Variants in ACKR2 observed in about 807,000 individuals in gnomAD.
ACKR2 encodes C-C chemokine receptor D6.
For synonymous variants in ACKR2, 207 were observed against 192.2 expected, an observed-to-expected ratio of 1.08 and a Z score of -0.64; for missense variants, 457 against 477.3, an observed-to-expected ratio of 0.96 and a Z score of 0.40.
chr3:42,841,029 A>T (rs932969281), intron 2 of ACKR2, among the ~76,000 whole-genome samples: 3 of 151,844 alleles, frequency 2.0e-5, no homozygotes, highest in Admixed American at 1.3e-4. Context: ...CCCCACCCCT[A>T]CCCCCAGCAG....
At position 42,864,655 on chromosome 3, in the gene ACKR2, C is replaced by T; in HGVS notation, c.153C>T (p.Val51=). 1.2e-6 allele frequency: 2 copies of T among 1,614,200 alleles called. No homozygotes were observed. The highest frequency in any genetic ancestry group is 1.7e-6 in the Non-Finnish European group (2 of 1,180,046). ...CCTTTGGCAAAGTCTTCCTCCCAGTCTTCTATAGCCTGATTTTTGTGTTGG... is the reference window on the plus strand; with the variant it reads ...CCTTTGGCAAAGTCTTCCTCCCAGTTTTCTATAGCCTGATTTTTGTGTTGG... The part of the protein sequence containing the change: ...VVSFGKVFLP[V]FYSLIFVLGL... Residue 51 remains valine (V), a synonymous_variant, in exon 3 of 3, where the codon GTC becomes GTT. Transcript: ENST00000422265.
intron 2 of ACKR2, among the ~76,000 whole-genome samples, chr3:42,830,262 T>C (rs1471145826): frequency 2.6e-5 from 4 of 152,188 alleles, no homozygotes; most frequent in Non-Finnish European, 4.4e-5. Flanking sequence ...CTCTGATTGA[T>C]AAGCACTTCT....
intron 1 of ACKR2, among the ~76,000 whole-genome samples, chr3:42,812,990 T>G (rs926574003): frequency 6.6e-6 from 1 of 152,164 alleles, no homozygotes; most frequent in African/African-American, 2.4e-5. Context: ...TGCCCGGCCT[T>G]CAGCTTTCTT....
At chr3:42,829,353 T>C (rs1349373132) in intron 2 of ACKR2, among the ~76,000 whole-genome samples, 2 of 152,196 alleles carry the variant, frequency 1.3e-5, no homozygotes, top group African/African-American at 2.4e-5. Context: ...ATAGCCCCTA[T>C]TGAGCTAGTG....
At chr3:42,841,995 G>A (rs541797183) in intron 2 of ACKR2, among the ~76,000 whole-genome samples, 1 of 152,136 alleles carries the variant, frequency 6.6e-6, no homozygotes, top group South Asian at 2.1e-4. Context: ...TGATCTCTCT[G>A]TGCCTCAGTT....
At chr3:42,849,936 C>T (rs1701135083) in intron 2 of ACKR2, among the ~76,000 whole-genome samples, 1 of 152,026 alleles carries the variant, frequency 6.6e-6, no homozygotes, top group South Asian at 2.1e-4. Context: ...AGGCTAAATG[C>T]AATTTAACTG....
chr3:42,835,673 C>T (rs144959940), intron 2 of ACKR2: 281 of 152,316 alleles, frequency 1.8e-3, no homozygotes, highest in Non-Finnish European at 3.2e-3. Flanking sequence ...CCATGGCTTC[C>T]GGCTCCCACT....
At chr3:42,832,988 C>T (rs1423095008) in intron 2 of ACKR2, among the ~76,000 whole-genome samples, 4 of 151,562 alleles carry the variant, frequency 2.6e-5, no homozygotes, top group Middle Eastern at 3.2e-3. Flanking sequence ...CTCAGCCTCC[C>T]GAGTAGCTGG....
chr3:42,818,890 C>G (rs1050163637), intron 1 of ACKR2, among the ~76,000 whole-genome samples: 3 of 152,136 alleles, frequency 2.0e-5, no homozygotes, highest in Non-Finnish European at 2.9e-5. Context: ...ACAACATTTT[C>G]AAACAAAATG....
intron 2 of ACKR2, among the ~76,000 whole-genome samples, chr3:42,849,015 C>T (rs1701125546): frequency 6.6e-6 from 1 of 152,182 alleles, no homozygotes; most frequent in South Asian, 2.1e-4. Flanking sequence ...GGAACTGCCC[C>T]AGAATGAAGA....
At chr3:42,859,268 G>A (rs757616658) in intron 2 of ACKR2, among the ~76,000 whole-genome samples, 3 of 152,168 alleles carry the variant, frequency 2.0e-5, no homozygotes, top group Non-Finnish European at 4.4e-5. Context: ...GTTAAGGGCA[G>A]CCAGAGAGAA....
At position 42,864,479 on chromosome 3, in the gene ACKR2, CG is replaced by C; in HGVS notation, c.-21del. 6.4e-7 allele frequency: 1 copy of C among 1,570,758 alleles called. No individual in the cohort carries two copies. ...TTCCCCCCGCAGCACTACAGGACGT[CG>C]GGACTGGGCATTTCCTTCCAACATG... On this transcript the variant is annotated 5_prime_UTR_variant, in exon 3 of 3. Coordinates refer to ENST00000422265, the MANE Select transcript of ACKR2 (RefSeq NM_001296.5).
intron 2 of ACKR2, among the ~76,000 whole-genome samples, chr3:42,848,752 G>C (rs76332845): frequency 0.013 from 2,030 of 152,198 alleles, 39 homozygotes; most frequent in East Asian, 0.07. Context: ...ATTTCACAGT[G>C]GAAGAACTTG....
In ACKR2 at chr3:42,852,253, G is replaced by A. The variant is rs1397770234; in HGVS notation, c.-37-12213G>A. 5 of 152,280 alleles carry A rather than the reference G, an allele frequency of 3.3e-5. No homozygotes were observed. Among genetic ancestry groups the A allele is most frequent in the African/African-American group, 1.2e-4 (5 of 41,518 alleles). The allele number at this position is 152,280 out of a possible 1,614,324, so 9.4% of individuals were successfully genotyped here. A position where few individuals can be genotyped will look rare whatever the true frequency, so the allele number is the denominator to read the frequency against. The stretch of plus-strand genomic sequence containing the variant: ...GTCCTGCCTTTCCTGGGGATAGTGG[G>A]GTTTCATTTTCATGCTGAAATACAC... On this transcript the variant is annotated intron_variant, in intron 2 of 2. Transcript: ENST00000422265. The surrounding 1 kb of genome is among the most constrained non-coding windows in gnomAD (Gnocchi z 4.3).
chr3:42,820,725 T>TAAAA (rs34544490), intron 2 of ACKR2, among the ~76,000 whole-genome samples: 3 of 100,496 alleles, frequency 3.0e-5, no homozygotes, highest in African/African-American at 7.7e-5. Flanking sequence ...AAAATAACAG[T>TAAAA]AAAAAAAAAA....
intron 2 of ACKR2, among the ~76,000 whole-genome samples, chr3:42,834,980 G>A (rs1419688986): frequency 1.3e-5 from 2 of 152,124 alleles, no homozygotes; most frequent in African/African-American, 2.4e-5. Context: ...CTGCCTCCCA[G>A]GTTGAAGTGA....
intron 1 of ACKR2, among the ~76,000 whole-genome samples, chr3:42,817,700 A>G (rs1163052692): frequency 6.6e-6 from 1 of 152,100 alleles, no homozygotes; most frequent in Non-Finnish European, 1.5e-5. Context: ...TGTACATATC[A>G]TCCCACATCT....
At chr3:42,834,371 G>A (rs1296664552) in intron 2 of ACKR2, among the ~76,000 whole-genome samples, 2 of 151,968 alleles carry the variant, frequency 1.3e-5, no homozygotes, top group Non-Finnish European at 1.5e-5. Context: ...AATGTTGTGT[G>A]TTTTCTTTTT....
At chr3:42,843,148 C>T (rs1342473718) in intron 2 of ACKR2, among the ~76,000 whole-genome samples, 2 of 151,732 alleles carry the variant, frequency 1.3e-5, no homozygotes, top group South Asian at 2.1e-4. Flanking sequence ...AATCACGGCT[C>T]ACTGCAACCT....
Sources: allele counts gnomAD v4.1 joint callset (sites outside exome capture counted in the v4.1 genomes callset), GRCh38; gene constraint gnomAD v4.1.1; non-coding constraint Gnocchi (gnomAD v3.1); transcripts MANE v1.5; gene names NCBI Gene and HGNC (gene_info 2026-07-23, HGNC 2026-07-21).